Variants in NKAIN2 observed in about 807,000 individuals in gnomAD.
NKAIN2 encodes sodium/potassium transporting ATPase interacting 2.
In NKAIN2, 14 loss-of-function variants were observed where a neutral mutation model predicts 32.6. That is an observed-to-expected ratio of 0.43 (90% CI 0.28 to 0.67). The LOEUF (loss-of-function observed/expected upper bound fraction) is 0.67, where lower values mean the gene tolerates loss of function less well. NKAIN2 is among the 30% of genes least tolerant of loss of function. NKAIN2 has a pLI of 0.17. For synonymous variants in NKAIN2, 80 were observed against 87.2 expected, an observed-to-expected ratio of 0.92 and a Z score of 0.46; for missense variants, 198 against 258.3, an observed-to-expected ratio of 0.77 and a Z score of 1.60.
At chr6:123,929,578 A>G (rs1002572920) in intron 1 of NKAIN2, among the ~76,000 whole-genome samples, 2 of 152,148 alleles carry the variant, frequency 1.3e-5, no homozygotes, top group African/African-American at 4.8e-5. Context: ...CACCGATAAC[A>G]GGCAGCCTAA....
chr6:123,998,081 C>CT (rs906410408), intron 1 of NKAIN2, among the ~76,000 whole-genome samples: 10 of 152,118 alleles, frequency 6.6e-5, no homozygotes, highest in Admixed American at 6.5e-4. Flanking sequence ...CTAATTAGAA[C>CT]TATAGGTTTT....
chr6:124,022,697 A>G (rs17552299), intron 1 of NKAIN2, among the ~76,000 whole-genome samples: 3,670 of 152,276 alleles, frequency 0.024, 70 homozygotes, highest in Non-Finnish European at 0.035. Context: ...TCAGCTCAAG[A>G]TGAGTTATTT....
intron 1 of NKAIN2, among the ~76,000 whole-genome samples, chr6:123,857,071 T>C (rs574695573): frequency 6.6e-5 from 10 of 152,244 alleles, no homozygotes; most frequent in Admixed American, 5.9e-4. Flanking sequence ...TTTATTTATT[T>C]TGATATGGAA....
At chr6:124,500,986 T>C (rs1778268835) in intron 3 of NKAIN2, among the ~76,000 whole-genome samples, 1 of 152,150 alleles carries the variant, frequency 6.6e-6, no homozygotes. Flanking sequence ...GTAGAAAAGA[T>C]GCTAAATAAC....
intron 1 of NKAIN2, among the ~76,000 whole-genome samples, chr6:124,119,485 C>T (rs1785772107): frequency 6.6e-6 from 1 of 152,086 alleles, no homozygotes; most frequent in Admixed American, 6.6e-5. Context: ...AATGTTTAGC[C>T]ATTGGATGAA....
chr6:124,306,106 A>G (rs1796497254), intron 2 of NKAIN2, among the ~76,000 whole-genome samples: 1 of 152,218 alleles, frequency 6.6e-6, no homozygotes, highest in South Asian at 2.1e-4. Context: ...GAGGAAAAGC[A>G]TTTTGAAATA....
At chr6:124,156,889 G>A (rs1788011269) in intron 1 of NKAIN2, among the ~76,000 whole-genome samples, 1 of 151,764 alleles carries the variant, frequency 6.6e-6, no homozygotes. Flanking sequence ...GAACACTTGA[G>A]GTCAGGAGTT....
At chr6:124,723,269 G>C (rs767198247) in intron 4 of NKAIN2, among the ~76,000 whole-genome samples, 28 of 152,114 alleles carry the variant, frequency 1.8e-4, no homozygotes, top group Non-Finnish European at 4.0e-4. Context: ...ATATAACTAA[G>C]TCCCAAGCCA....
intron 1 of NKAIN2, among the ~76,000 whole-genome samples, chr6:123,930,131 A>T (rs1021008590): frequency 2.6e-5 from 4 of 152,148 alleles, no homozygotes; most frequent in Admixed American, 6.5e-5. Context: ...AAGTCCTGTA[A>T]TGATGACAGT....
intron 1 of NKAIN2, among the ~76,000 whole-genome samples, chr6:124,201,110 G>A (rs1790568575): frequency 6.6e-6 from 1 of 151,946 alleles, no homozygotes; most frequent in Non-Finnish European, 1.5e-5. Flanking sequence ...TAAACAAGCT[G>A]TAAACATAAA....
At chr6:123,840,759 C>A (rs1281225971) in intron 1 of NKAIN2, among the ~76,000 whole-genome samples, 2 of 152,008 alleles carry the variant, frequency 1.3e-5, no homozygotes, top group East Asian at 3.9e-4. Context: ...TACAATAAGA[C>A]TACATTTCAT....
chr6:124,525,994 T>C (rs1325263781), intron 3 of NKAIN2, among the ~76,000 whole-genome samples: 2 of 152,178 alleles, frequency 1.3e-5, no homozygotes, highest in African/African-American at 4.8e-5. Context: ...GATACAGTAG[T>C]TAAAAAATGT....
intron 4 of NKAIN2, among the ~76,000 whole-genome samples, chr6:124,763,370 C>T (rs141580921): frequency 3.0e-3 from 451 of 152,306 alleles, no homozygotes; most frequent in Non-Finnish European, 5.1e-3. Context: ...TCTGGGGAGG[C>T]CTCAGATAAC....
intron 1 of NKAIN2, among the ~76,000 whole-genome samples, chr6:123,862,598 T>C (rs886997928): frequency 1.3e-5 from 2 of 152,194 alleles, no homozygotes; most frequent in African/African-American, 4.8e-5. Flanking sequence ...TCCCTACTGC[T>C]CCATAGTTTA....
At chr6:124,501,560 T>C (rs1778293376) in intron 3 of NKAIN2, among the ~76,000 whole-genome samples, 1 of 152,204 alleles carries the variant, frequency 6.6e-6, no homozygotes, top group South Asian at 2.1e-4. Flanking sequence ...AATGTTGCCA[T>C]CTTCCCAGCC....
At chr6:124,391,835 C>T (rs1168546706) in intron 3 of NKAIN2, among the ~76,000 whole-genome samples, 2 of 152,100 alleles carry the variant, frequency 1.3e-5, no homozygotes, top group Admixed American at 6.6e-5. Context: ...CTGTCCCATA[C>T]CCTACTATCC....
chr6:124,159,931 A>C (rs1268969626), intron 1 of NKAIN2, among the ~76,000 whole-genome samples: 1 of 152,198 alleles, frequency 6.6e-6, no homozygotes, highest in Non-Finnish European at 1.5e-5. Flanking sequence ...TCGATGTTCT[A>C]CAGCCAGCCA....
intron 1 of NKAIN2, among the ~76,000 whole-genome samples, chr6:123,949,753 A>G (rs1208283764): frequency 6.6e-6 from 1 of 151,998 alleles, no homozygotes; most frequent in Non-Finnish European, 1.5e-5. Flanking sequence ...AGGAAGGACA[A>G]ATTGACTTAT....
At chr6:123,841,870 C>T (rs6936906) in intron 1 of NKAIN2, among the ~76,000 whole-genome samples, 86,001 of 152,014 alleles carry the variant, frequency 0.57, 24,435 homozygotes, top group East Asian at 0.7. Flanking sequence ...ATTGTATAAC[C>T]TTGTCAGTCA....
Sources: allele counts gnomAD v4.1 joint callset (sites outside exome capture counted in the v4.1 genomes callset), GRCh38; gene constraint gnomAD v4.1.1; transcripts MANE v1.5; gene names NCBI Gene and HGNC (gene_info 2026-07-23, HGNC 2026-07-21).